RUSC1: variants seen among roughly 807,000 people sequenced by gnomAD.
RUSC1 encodes the protein AP-4 complex accessory subunit RUSC1.
RUSC1 carries 40 observed loss-of-function variants against 72.1 expected under a neutral mutation model. The ratio of observed to expected loss-of-function variants is 0.55; its 90% confidence interval spans 0.43 to 0.72. The LOEUF (loss-of-function observed/expected upper bound fraction) is 0.72, where lower values mean the gene tolerates loss of function less well. RUSC1 is among the 30% of genes least tolerant of loss of function. The pLI is 0.00. For missense variants in RUSC1, 1,092 were observed against 1,172.3 expected (o/e 0.93, Z 1.00); for synonymous variants, 512 against 494.2 (o/e 1.04, Z -0.48).
In RUSC1 at chr1:155,328,223, C is replaced by G. The variant is rs994198138; in HGVS notation, c.2488C>G (p.Pro830Ala). The G allele has an allele frequency of 1.7e-5, 28 of 1,613,466 alleles. No homozygotes were observed. The highest frequency in any genetic ancestry group is 2.4e-5 in the Non-Finnish European group (28 of 1,179,724). The change falls in exon 9 of 10, where the codon CCT becomes GCT. Residue 830 changes from proline to alanine, a missense_variant. Coordinates refer to ENST00000368352, the MANE Select transcript of RUSC1 (RefSeq NM_001105203.2). ...GAAGCGGGGGGCACCTCCCGAGATG[C>G]CTTCTCCTCAGGAGCTTGAGGCCTC... ...LVKRGAPPEMPSPQELEASAP... is the reference protein window; with the variant it reads ...LVKRGAPPEMASPQELEASAP...
intron 2 of RUSC1, chr1:155,323,807 G>A (rs1650913327): frequency 1.7e-6 from 1 of 574,032 alleles, no homozygotes; most frequent in South Asian, 7.8e-5. Context: ...CCTCCGCCCA[G>A]GCTACGTAAG....
Position 155,323,258 on chromosome 1 carries a change from G to A in RUSC1, c.1357+128G>A, listed in dbSNP as rs982202565. ...TCCTCCCCGCCCCTTCTACCAGGGA[G>A]CGCTCCGGGAAAGGGAAACTGGGTG... On this transcript the variant is annotated intron_variant, in intron 2 of 9. Coordinates refer to ENST00000368352, the MANE Select transcript of RUSC1 (RefSeq NM_001105203.2). 238 of 1,108,408 alleles carry A rather than the reference G, an allele frequency of 2.1e-4. 1 individual carries two copies. Among genetic ancestry groups the A allele is most frequent in the Admixed American group, 2.2e-4 (6 of 26,906 alleles). The allele number at this position is 1,108,408 out of a possible 1,614,324, so 68.7% of individuals were successfully genotyped here.
At chr1:155,324,438 G>C in intron 2 of RUSC1, 3 of 1,612,952 alleles carry the variant, frequency 1.9e-6, no homozygotes, top group South Asian at 1.1e-5. Context: ...CGTGCTCCCC[G>C]GGGCTCCGCA....
rs2148263156 is a variant in RUSC1 at position 155,322,373 on chromosome 1, C to T, written c.600C>T (p.Asp200=). 6.2e-7 allele frequency: 1 copy of T among 1,613,974 alleles called. No homozygotes were observed. The highest frequency in any genetic ancestry group is 8.5e-7 in the Non-Finnish European group (1 of 1,179,884). Residue 200 remains aspartate, a synonymous_variant, in exon 2 of 10, where the codon GAC becomes GAT. Transcript: ENST00000368352. ...DVPSPGLEEE[D]ERAEQDLPTS... ...CTTCCCCAGGCTTGGAGGAAGAGGA[C>T]GAGAGGGCGGAGCAGGATCTCCCTA... is the stretch of plus-strand genomic sequence containing the variant.
rs750550819 is a variant in RUSC1 at position 155,322,541 on chromosome 1, G to A, written c.768G>A (p.Trp256Ter). 6.2e-7 allele frequency: 1 copy of A among 1,614,172 alleles called. No individual in the cohort carries two copies. The highest frequency in any genetic ancestry group is 8.5e-7 in the Non-Finnish European group (1 of 1,180,022). ...WKTTENNNTG[W>*]KNNGNVNSSW... ...CCACTGAAAACAATAACACTGGTTG[G>A]AAAAACAACGGGAATGTTAACTCTA... is the stretch of plus-strand genomic sequence containing the variant. The change falls in exon 2 of 10, where the codon TGG becomes TGA. Residue 256 changes from tryptophan to a stop codon, truncating the protein, a stop_gained. Coordinates refer to ENST00000368352, the MANE Select transcript of RUSC1 (RefSeq NM_001105203.2). LOFTEE classifies it high-confidence loss of function.
chr1:155,326,842 G>T lies in RUSC1; in HGVS notation c.2124G>T (p.Gly708=). The change falls in exon 8 of 10, where the codon GGG becomes GGT. Residue 708 remains glycine (G), a synonymous_variant. Coordinates refer to ENST00000368352, the MANE Select transcript of RUSC1 (RefSeq NM_001105203.2). This position sits in a 1 kb window ranked among gnomAD's most constrained non-coding sequence, Gnocchi z 4.7. The part of the protein sequence containing the change: ...FGGRLAQSLR[G]TSKEAASDPS... ...GCCGGCTGGCCCAGAGCCTTCGGGG[G>T]ACTTCCAAGGAAGCTGCTTCAGACC... 6.2e-7 allele frequency: 1 copy of T among 1,613,618 alleles called. No individual in the cohort carries two copies. The highest frequency in any genetic ancestry group is 1.1e-5 in the South Asian group (1 of 91,084).
Position 155,323,149 on chromosome 1 carries a change from C to T in RUSC1, c.1357+19C>T. The T allele has an allele frequency of 7.1e-7, 1 of 1,399,798 alleles. No homozygotes were observed. Among genetic ancestry groups the T allele is most frequent in the Non-Finnish European group, 9.2e-7 (1 of 1,083,996 alleles). The allele number at this position is 1,399,798 out of a possible 1,614,324, so 86.7% of individuals were successfully genotyped here. A position where few individuals can be genotyped will look rare whatever the true frequency, so the allele number is the denominator to read the frequency against. ...CTGGAGGGTAAGAGGTCGCAAGAAG[C>T]GGGAGGAGGGCTGGGCTTCGGCCGC... On this transcript the variant is annotated intron_variant, in intron 2 of 9. Coordinates refer to ENST00000368352, the MANE Select transcript of RUSC1 (RefSeq NM_001105203.2).
At chr1:155,330,369 C>T (rs745972485) in intron 9 of RUSC1, 34 bp from the exon 10 acceptor site, 1 of 1,611,480 alleles carries the variant, frequency 6.2e-7, no homozygotes, top group Admixed American at 1.7e-5. Flanking sequence ...CCCCACCTCA[C>T]CTCATCCCAG....
At position 155,322,836 on chromosome 1, in the gene RUSC1, T is replaced by A; in HGVS notation, c.1063T>A (p.Ser355Thr). Reference sequence around the variant, plus strand: ...CTCGCCCGACACCGAGCTCCCCCCCTCGGGGTCGCCGGGCGGCTCCTCGGC... The same window carrying A: ...CTCGCCCGACACCGAGCTCCCCCCCACGGGGTCGCCGGGCGGCTCCTCGGC... ...VFSPDTELPP[S>T]GSPGGSSAPP... Residue 355 changes from serine (S) to threonine (T), a missense_variant, in exon 2 of 10, where the codon TCG becomes ACG. Ser to Thr is a moderately conservative substitution (Grantham distance 58). Coordinates refer to ENST00000368352, the MANE Select transcript of RUSC1 (RefSeq NM_001105203.2). The A allele has an allele frequency of 6.2e-7, 1 of 1,611,660 alleles. No homozygotes were observed. The highest frequency in any genetic ancestry group is 1.1e-5 in the South Asian group (1 of 90,954).
chr1:155,326,362 T>G lies in RUSC1; in HGVS notation c.1862-218T>G, dbSNP rs577488237. Reference sequence around the variant, plus strand: ...CTCTGTAGCCTTTGCACTGTCTCTGTTACTTGTCACCACTTGCTGTGTGTG... The same window carrying G: ...CTCTGTAGCCTTTGCACTGTCTCTGGTACTTGTCACCACTTGCTGTGTGTG... On this transcript the variant is annotated intron_variant, in intron 7 of 9. Coordinates refer to ENST00000368352, the MANE Select transcript of RUSC1 (RefSeq NM_001105203.2). The surrounding 1 kb of genome is among the most constrained non-coding windows in gnomAD (Gnocchi z 4.7). 3.2e-5 allele frequency: 19 copies of G among 590,980 alleles called. No individual in the cohort carries two copies. Among genetic ancestry groups the G allele is most frequent in the African/African-American group, 1.9e-4 (10 of 53,860 alleles). 36.6% of individuals were successfully genotyped at this position (590,980 alleles called of 1,614,324 possible).
rs753267136 is a variant in RUSC1, at chr1:155,325,076, C to A, written c.1457-26C>A. 4 of 1,614,176 alleles carry A rather than the reference C, an allele frequency of 2.5e-6. No homozygotes were observed. Among genetic ancestry groups the A allele is most frequent in the Non-Finnish European group, 3.4e-6 (4 of 1,179,972 alleles). ...CCTGGGTAGGGGCGCGGCCTCCTAGCGTCTTCCCTTTCCCACTCCTCCCAG... is the reference window on the plus strand; with the variant it reads ...CCTGGGTAGGGGCGCGGCCTCCTAGAGTCTTCCCTTTCCCACTCCTCCCAG... On this transcript the variant is annotated intron_variant, in intron 3 of 9. Transcript: ENST00000368352. This position sits in a 1 kb window ranked among gnomAD's most constrained non-coding sequence, Gnocchi z 6.5.
chr1:155,322,311 T>G lies in RUSC1; in HGVS notation c.538T>G (p.Ser180Ala), dbSNP rs1235018240. Residue 180 changes from serine (S) to alanine (A), a missense_variant, in exon 2 of 10, where the codon TCG becomes GCG. Transcript: ENST00000368352. ...ASSSPDPGLD[S>A]NCNALTTCQD... ...TTCTTCACCCGATCCTGGCCTGGAC[T>G]CGAACTGCAACGCCCTGACCACCTG... 1 of 1,611,216 alleles carries G rather than the reference T, an allele frequency of 6.2e-7. No homozygotes were observed. Among genetic ancestry groups the G allele is most frequent in the Non-Finnish European group, 8.5e-7 (1 of 1,177,918 alleles).
At position 155,325,476 on chromosome 1, in the gene RUSC1, C is replaced by T. The variant is rs369273926; in HGVS notation, c.1694C>T (p.Ala565Val). The T allele has an allele frequency of 4.6e-5, 74 of 1,593,414 alleles. No homozygotes were observed. Among genetic ancestry groups the T allele is most frequent in the Non-Finnish European group, 6.1e-5 (71 of 1,173,090 alleles). ...AGCAGCCCCTGGAGCGTGGTGGAGG[C>T]GTCGGTGAAGCCAGGTGAGCCAGGA... is the stretch of plus-strand genomic sequence containing the variant. ...RRSSPWSVVE[A>V]SVKPGSSTRS... is the part of the protein sequence containing the mutation. The change falls in exon 5 of 10, where the codon GCG becomes GTG. Residue 565 changes from alanine (A) to valine (V), a missense_variant. By Grantham distance (64) the Ala-to-Val change is moderately conservative. Transcript: ENST00000368352. This position sits in a 1 kb window ranked among gnomAD's most constrained non-coding sequence, Gnocchi z 6.5.
Position 155,325,267 on chromosome 1 carries a change from G to T in RUSC1, c.1534-49G>T. The T allele has an allele frequency of 6.2e-7, 1 of 1,607,686 alleles. No homozygotes were observed. The highest frequency in any genetic ancestry group is 8.5e-7 in the Non-Finnish European group (1 of 1,179,576). On this transcript the variant is annotated intron_variant, in intron 4 of 9. Coordinates refer to ENST00000368352, the MANE Select transcript of RUSC1 (RefSeq NM_001105203.2). This position sits in a 1 kb window ranked among gnomAD's most constrained non-coding sequence, Gnocchi z 6.5. The stretch of plus-strand genomic sequence containing the variant: ...GGAATGGTTGGCGGGAGGTGGCTGG[G>T]AGGTGTCTGGAGGGATCTCTGGAGC...
chr1:155,324,461 CCCCGGGGCGG>C, intron 2 of RUSC1: 3 of 1,612,026 alleles, frequency 1.9e-6, no homozygotes, highest in Non-Finnish European at 2.5e-6. Flanking sequence ...CAGGACTGGG[CCCCGGGGCGG>C]TGCGCTGGGC....
chr1:155,324,440 G>T (rs776623215), intron 2 of RUSC1: 1 of 1,612,874 alleles, frequency 6.2e-7, no homozygotes, highest in African/African-American at 1.3e-5. Context: ...TGCTCCCCGG[G>T]GCTCCGCAGG....
intron 2 of RUSC1, 94 bp downstream of exon 2, chr1:155,323,224 T>C: frequency 7.6e-7 from 1 of 1,312,674 alleles, no homozygotes. Context: ...CTCCATTCTG[T>C]GTCACCCATC....
rs1264448714 is a variant in RUSC1, at chr1:155,330,488, AC to A, written c.2627del (p.Thr876LysfsTer70). 6.2e-7 allele frequency: 1 copy of A among 1,613,980 alleles called. No individual in the cohort carries two copies. ...RRGEVLRVIT[T>X]VDEDWLRCGR... ...TGGGGAAGTGCTGCGTGTCATCACC[AC>A]AGTGGATGAGGACTGGCTCCGCTGT... On this transcript the variant is annotated frameshift_variant, in exon 10 of 10. Coordinates refer to ENST00000368352, the MANE Select transcript of RUSC1 (RefSeq NM_001105203.2). LOFTEE classifies it high-confidence loss of function.
chr1:155,322,727 G>A lies in RUSC1; in HGVS notation c.954G>A (p.Glu318=). Residue 318 remains glutamate, a synonymous_variant, in exon 2 of 10, where the codon GAG becomes GAA. Coordinates refer to ENST00000368352, the MANE Select transcript of RUSC1 (RefSeq NM_001105203.2). ...VPHRTITSFH[E]LAQKRKRGPG... is the part of the protein sequence containing the mutation. Reference sequence around the variant, plus strand: ...ACCGGACAATCACGTCCTTCCACGAGCTGGCCCAGAAGCGCAAGCGGGGCC... The same window carrying A: ...ACCGGACAATCACGTCCTTCCACGAACTGGCCCAGAAGCGCAAGCGGGGCC... The A allele has an allele frequency of 6.2e-7, 1 of 1,614,232 alleles. No individual in the cohort carries two copies. Among genetic ancestry groups the A allele is most frequent in the East Asian group, 2.2e-5 (1 of 44,890 alleles).
Sources: gnomAD v4.1 joint callset for allele counts on GRCh38, gnomAD v4.1.1 for gene constraint, Gnocchi (gnomAD v3.1) non-coding constraint, MANE v1.5 for transcripts, NCBI Gene and HGNC (gene_info 2026-07-23, HGNC 2026-07-21) for gene names.